RAB28: variants seen among roughly 807,000 people sequenced by gnomAD.
RAB28 encodes ras-related protein Rab-28.
RAB28 carries 24 observed loss-of-function variants against 31.7 expected under a neutral mutation model. That is an observed-to-expected ratio of 0.76 (90% confidence interval 0.55 to 1.06). RAB28 has a LOEUF of 1.06. Among genes scored for constraint, RAB28 ranks in the 50% least tolerant of loss-of-function variants. RAB28 has a pLI of 0.00. For synonymous variants in RAB28, 100 were observed against 90.4 expected, an observed-to-expected ratio of 1.11 and a Z score of -0.60; for missense variants, 254 against 258.5, an observed-to-expected ratio of 0.98 and a Z score of 0.12.
intron 4 of RAB28, among the ~76,000 whole-genome samples, chr4:13,403,704 T>C (rs1204428119): frequency 6.6e-6 from 1 of 152,314 alleles, no homozygotes; most frequent in African/African-American, 2.4e-5. Context: ...CATTTTAAGA[T>C]AATGCTATCA....
chr4:13,447,399 C>A (rs565486114), intron 4 of RAB28, among the ~76,000 whole-genome samples: 1 of 152,004 alleles, frequency 6.6e-6, no homozygotes, highest in Non-Finnish European at 1.5e-5. Context: ...GCCCTGCCTG[C>A]GCCTTAGTTT....
At chr4:13,389,382 C>A (rs1729526053) in intron 4 of RAB28, among the ~76,000 whole-genome samples, 1 of 152,054 alleles carries the variant, frequency 6.6e-6, no homozygotes, top group Non-Finnish European at 1.5e-5. Flanking sequence ...AGATTTGTTT[C>A]ACAACAATAT....
chr4:13,375,788 C>CAA (rs1172337718), intron 6 of RAB28, among the ~76,000 whole-genome samples: 1 of 149,338 alleles, frequency 6.7e-6, no homozygotes, highest in Admixed American at 6.6e-5. Flanking sequence ...CACACACACA[C>CAA]ACACACAGAG....
At chr4:13,383,770 T>C (rs753867877) in intron 4 of RAB28, among the ~76,000 whole-genome samples, 14 of 152,202 alleles carry the variant, frequency 9.2e-5, no homozygotes, top group Non-Finnish European at 1.9e-4. Flanking sequence ...CCCCTGCACA[T>C]GCCATCTTGC....
At chr4:13,384,036 C>T (rs571418594) in intron 4 of RAB28, among the ~76,000 whole-genome samples, 31 of 152,284 alleles carry the variant, frequency 2.0e-4, no homozygotes, top group African/African-American at 7.0e-4. Flanking sequence ...TAGTACTCAC[C>T]GCCATGCACC....
At chr4:13,373,931 G>A (rs1728818424) in intron 6 of RAB28, among the ~76,000 whole-genome samples, 1 of 150,100 alleles carries the variant, frequency 6.7e-6, no homozygotes, top group Non-Finnish European at 1.5e-5. Context: ...GTGTGTATGT[G>A]TGTGTATATA....
intron 4 of RAB28, among the ~76,000 whole-genome samples, chr4:13,412,856 T>C (rs1023359014): frequency 2.6e-5 from 4 of 151,998 alleles, no homozygotes; most frequent in Non-Finnish European, 4.4e-5. Context: ...TATGGTAAGA[T>C]AATAGGAAGT....
At chr4:13,381,674 C>G in intron 4 of RAB28, 80 bp from the exon 5 acceptor site, 1 of 996,844 alleles carries the variant, frequency 1.0e-6, no homozygotes, top group Non-Finnish European at 1.5e-6. Flanking sequence ...ATTTGACTTG[C>G]TTTCCAATAT....
At chr4:13,463,796 A>C (rs1715711509) in intron 3 of RAB28, among the ~76,000 whole-genome samples, 1 of 152,132 alleles carries the variant, frequency 6.6e-6, no homozygotes, top group Non-Finnish European at 1.5e-5. Context: ...AATTAGTACC[A>C]CTGTGGTGAA....
At chr4:13,390,591 A>T in intron 4 of RAB28, among the ~76,000 whole-genome samples, 1 of 151,738 alleles carries the variant, frequency 6.6e-6, no homozygotes, top group South Asian at 2.1e-4. Context: ...GGAATCAAAA[A>T]AAAAAAAAGC....
chr4:13,461,521 G>C (rs1462826791), intron 3 of RAB28, among the ~76,000 whole-genome samples: 21 of 152,002 alleles, frequency 1.4e-4, no homozygotes, highest in Admixed American at 1.3e-3. Context: ...TTCTTCCCAG[G>C]ACACACTACA....
intron 3 of RAB28, among the ~76,000 whole-genome samples, chr4:13,471,567 T>C (rs1716123154): frequency 6.6e-6 from 1 of 151,932 alleles, no homozygotes; most frequent in Non-Finnish European, 1.5e-5. Flanking sequence ...AGTGGCATGA[T>C]CATAGCTCAC....
intron 4 of RAB28, among the ~76,000 whole-genome samples, chr4:13,427,050 G>C (rs765339840): frequency 6.6e-5 from 10 of 152,078 alleles, no homozygotes; most frequent in Non-Finnish European, 1.3e-4. Flanking sequence ...AAATGGCTCA[G>C]TTTCATGATC....
intron 4 of RAB28, among the ~76,000 whole-genome samples, chr4:13,449,579 C>A (rs1470282335): frequency 6.6e-6 from 1 of 151,848 alleles, no homozygotes; most frequent in Non-Finnish European, 1.5e-5. Context: ...AGATAGTACT[C>A]CAAGAACTAT....
At chr4:13,370,141 G>A in intron 6 of RAB28, 1 of 979,024 alleles carries the variant, frequency 1.0e-6, no homozygotes, top group Non-Finnish European at 1.2e-6. Context: ...ACAGCAGAAT[G>A]TACACATACA....
rs567080437 is a variant in RAB28 at position 13,368,723 on chromosome 4, T to C, written c.574-73A>G. 2.5e-5 allele frequency: 34 copies of C among 1,344,028 alleles called. No homozygotes were observed. The South Asian group carries it at 3.3e-4, about 13-fold the overall frequency. 83.3% of individuals were successfully genotyped at this position (1,344,028 alleles called of 1,614,324 possible). A position where few individuals can be genotyped will look rare whatever the true frequency, so the allele number is the denominator to read the frequency against. On this transcript the variant is annotated intron_variant, in intron 6 of 6. Coordinates refer to ENST00000330852, the MANE Select transcript of RAB28 (RefSeq NM_001017979.3). ...GAAAGAGCTCCTTAAAGTATATTTT[T>C]ATTTTCTGAACTTTGCTGAACTTCT...
chr4:13,477,782 A>G (rs1204618247), intron 2 of RAB28, among the ~76,000 whole-genome samples: 1 of 151,504 alleles, frequency 6.6e-6, no homozygotes, highest in East Asian at 1.9e-4. Flanking sequence ...CTAAAATATT[A>G]TACTATAAAT....
chr4:13,407,081 C>G (rs370570314), intron 4 of RAB28, among the ~76,000 whole-genome samples: 2 of 152,242 alleles, frequency 1.3e-5, no homozygotes, highest in South Asian at 2.1e-4. Context: ...AGTCTTTGCC[C>G]AAGCCTATTT....
chr4:13,415,625 T>G (rs1389978663), intron 4 of RAB28, among the ~76,000 whole-genome samples: 4 of 152,178 alleles, frequency 2.6e-5, no homozygotes, highest in Admixed American at 2.6e-4. Flanking sequence ...CTTAGCTGCC[T>G]GCAGCCCGCC....
Sources: allele counts gnomAD v4.1 joint callset (sites outside exome capture counted in the v4.1 genomes callset), GRCh38; gene constraint gnomAD v4.1.1; transcripts MANE v1.5; gene names NCBI Gene and HGNC (gene_info 2026-07-23, HGNC 2026-07-21).